The following UQCC2 variants were observed in gnomAD, a reference collection of about 807,000 sequenced individuals.
The protein encoded by UQCC2 is ubiquinol-cytochrome c reductase complex assembly factor 2, also known as breast cancer-associated protein SGA-81M.
A neutral mutation model predicts 19.9 loss-of-function variants in UQCC2; 21 were observed. The observed-to-expected ratio is 1.05, with a 90% CI of 0.75 to 1.52. The LOEUF (loss-of-function observed/expected upper bound fraction) is 1.52. Among genes scored for constraint, UQCC2 ranks in the 40% most tolerant of loss-of-function variants. The probability of loss-of-function intolerance (pLI) is 0.00; values close to 1 mark genes in which losing one functional copy is unlikely to be tolerated. For missense variants in UQCC2, 135 were observed against 157.5 expected (o/e 0.86, Z 0.76); for synonymous variants, 57 against 60.9 (o/e 0.94, Z 0.30).
Position 33,697,399 on chromosome 6 carries a change from A to G in UQCC2, c.*254T>C, listed in dbSNP as rs531961549. On this transcript the variant is annotated 3_prime_UTR_variant, in exon 4 of 4. Transcript: ENST00000607484. ...CTTGTGCCGAGGCCCCATTACCCTC[A>G]TCAGGCCCAGAGGGAAACCTGCATT... 1.5e-4 allele frequency: 59 copies of G among 406,270 alleles called. No individual in the cohort carries two copies. The highest frequency in any genetic ancestry group is 2.4e-4 in the Non-Finnish European group (55 of 229,938). 25.2% of individuals were successfully genotyped at this position (406,270 alleles called of 1,614,324 possible). A position where few individuals can be genotyped will look rare whatever the true frequency, so the allele number is the denominator to read the frequency against.
chr6:33,697,678 C>T lies in UQCC2; in HGVS notation c.356G>A (p.Gly119Asp), dbSNP rs1765580434. Residue 119 changes from glycine to aspartate, a missense_variant, in exon 4 of 4, where the codon GGT (glycine) becomes GAT (aspartate). Physicochemically the swap from Gly to Asp is moderately conservative, Grantham distance 94 (BLOSUM62 -1). Coordinates refer to ENST00000607484, the MANE Select transcript of UQCC2 (RefSeq NM_032340.4). ...TCAGGCCTTATGATCCTCCTCAGGA[C>T]CCTTGGGGGCAAACTTCTCCTGCAG... ...KKLQEKFAPK[G>D]PEEDHKA 5 of 1,613,918 alleles carry T rather than the reference C, an allele frequency of 3.1e-6. No individual in the cohort carries two copies. The Admixed American group carries it at 8.3e-5, about 27-fold the overall frequency.
intron 1 of UQCC2, among the ~76,000 whole-genome samples, chr6:33,707,002 C>T (rs1015030898): frequency 6.6e-6 from 1 of 152,206 alleles, no homozygotes; most frequent in African/African-American, 2.4e-5. Context: ...AGTTGCCTGC[C>T]ACCTGCCCAG....
At chr6:33,709,792 T>C (rs187748121) in intron 1 of UQCC2, among the ~76,000 whole-genome samples, 8 of 152,222 alleles carry the variant, frequency 5.3e-5, no homozygotes, top group Admixed American at 5.2e-4. Context: ...ATGTTCCTTC[T>C]GTAACAAGTC....
intron 2 of UQCC2, among the ~76,000 whole-genome samples, chr6:33,701,028 G>A (rs778048086): frequency 6.6e-6 from 1 of 152,172 alleles, no homozygotes; most frequent in Admixed American, 6.5e-5. Context: ...TGTCAGTTCC[G>A]TCAGAGTGGA....
rs116482449 is a variant in UQCC2 at position 33,710,017 on chromosome 6, A to G, written c.138+1532T>C. 5.7e-3 allele frequency among the ~76,000 whole-genome samples: 872 copies of G among 152,302 alleles called. 14 individuals carry two copies. The highest frequency in any genetic ancestry group is 0.02 in the African/African-American group (819 of 41,554). On this transcript the variant is annotated intron_variant, in intron 1 of 3. Coordinates refer to ENST00000607484, the MANE Select transcript of UQCC2 (RefSeq NM_032340.4). ...CCTACACTTCACCTATTCCTACCTC[A>G]GTAAATGGCACCATCTTAGACCTAG... is the stretch of plus-strand genomic sequence containing the variant.
At position 33,707,824 on chromosome 6, in the gene UQCC2, G is replaced by A. The variant is rs185174078; in HGVS notation, c.138+3725C>T. ...AAGCTCTCAGCGCTGTAGGAAACAC[G>A]TGTTCTTAGACAAACTGTATTCAAA... On this transcript the variant is annotated intron_variant, in intron 1 of 3. Transcript: ENST00000607484. Among the ~76,000 whole-genome samples, 226 of 152,306 alleles carry A rather than the reference G, an allele frequency of 1.5e-3. 1 individual carries two copies. The highest frequency in any genetic ancestry group is 4.7e-3 in the African/African-American group (194 of 41,558).
At position 33,701,352 on chromosome 6, in the gene UQCC2, T is replaced by A. The variant is rs369804008; in HGVS notation, c.207A>T (p.Lys69Asn). ...AAGACTGTGGCCCACTCACCTTGTG[T>A]TTGTAGTAGTTTGAATGGAGTCGCG... ...SLARLHSNYY[K>N]HKYPRPRDTS... Residue 69 changes from lysine (K) to asparagine (N), a missense_variant, in exon 2 of 4, where the codon AAA becomes AAT. By Grantham distance (94) the Lys-to-Asn change is moderately conservative. Transcript: ENST00000607484. The A allele has an allele frequency of 6.8e-6, 11 of 1,612,716 alleles. No homozygotes were observed. The highest frequency in any genetic ancestry group is 5.1e-6 in the Non-Finnish European group (6 of 1,179,520).
intron 3 of UQCC2, among the ~76,000 whole-genome samples, chr6:33,698,818 C>T (rs1561888776): frequency 6.6e-6 from 1 of 152,194 alleles, no homozygotes; most frequent in African/African-American, 2.4e-5. Context: ...ACCATCCCCC[C>T]AGTACGGAAC....
chr6:33,709,780 C>G (rs1018401142), intron 1 of UQCC2, among the ~76,000 whole-genome samples: 1 of 151,542 alleles, frequency 6.6e-6, no homozygotes, highest in African/African-American at 2.4e-5. Flanking sequence ...AAAAAAAAAC[C>G]CATGTTCCTT....
chr6:33,703,542 G>A (rs1765664519), intron 1 of UQCC2, among the ~76,000 whole-genome samples: 1 of 151,884 alleles, frequency 6.6e-6, no homozygotes, highest in African/African-American at 2.4e-5. Context: ...GGGAGCAGGG[G>A]AGTCAAACTG....
chr6:33,701,240 C>T, intron 2 of UQCC2, 106 bp downstream of exon 2: 1 of 1,249,046 alleles, frequency 8.0e-7, no homozygotes, highest in Non-Finnish European at 1.1e-6. Context: ...CATTTGAACG[C>T]AGCAAAGCCA....
intron 2 of UQCC2, 27 bp from the exon 3 acceptor site, chr6:33,700,540 A>G (rs1331274607): frequency 6.2e-7 from 1 of 1,611,882 alleles, no homozygotes; most frequent in African/African-American, 1.3e-5. Context: ...AAAGGAAGTG[A>G]AGGGAGGGGA....
chr6:33,697,852 T>C lies in UQCC2; in HGVS notation c.284-102A>G, dbSNP rs1005822275. The C allele has an allele frequency of 1.4e-5, 13 of 900,348 alleles. No individual in the cohort carries two copies. The African/African-American group carries it at 2.2e-4, about 15-fold the overall frequency. 55.8% of individuals were successfully genotyped at this position (900,348 alleles called of 1,614,324 possible). A position where few individuals can be genotyped will look rare whatever the true frequency, so the allele number is the denominator to read the frequency against. On this transcript the variant is annotated intron_variant, in intron 3 of 3. Transcript: ENST00000607484. ...TCCCGACACAAGCATGGCTTGCTTT[T>C]CACACAGTGTGTTCCTGAAAAAGGT... is the stretch of plus-strand genomic sequence containing the variant.
intron 3 of UQCC2, among the ~76,000 whole-genome samples, chr6:33,699,026 G>A (rs1475800584): frequency 6.6e-6 from 1 of 152,124 alleles, no homozygotes; most frequent in African/African-American, 2.4e-5. Context: ...AGCTTTTCCA[G>A]AAGTCCATGT....
intron 3 of UQCC2, chr6:33,698,005 G>T (rs1765588197): frequency 6.0e-6 from 3 of 500,502 alleles, no homozygotes; most frequent in Non-Finnish European, 7.2e-6. Flanking sequence ...CCTCACCCTC[G>T]GCATCAAAGC....
chr6:33,697,799 G>C (rs779937631), intron 3 of UQCC2, 49 bp from the exon 4 acceptor site: 3 of 1,505,544 alleles, frequency 2.0e-6, no homozygotes, highest in Non-Finnish European at 2.8e-6. Context: ...TCTAAAACTT[G>C]ATGACATAGA....
chr6:33,704,985 A>G (rs1232649959), intron 1 of UQCC2, among the ~76,000 whole-genome samples: 2 of 151,542 alleles, frequency 1.3e-5, no homozygotes, highest in Non-Finnish European at 2.9e-5. Context: ...AGCAAAATGT[A>G]CAAAGTCTAA....
At chr6:33,708,410 A>ATTT (rs10654185) in intron 1 of UQCC2, among the ~76,000 whole-genome samples, 109 of 151,870 alleles carry the variant, frequency 7.2e-4, no homozygotes, top group Non-Finnish European at 1.2e-3. Flanking sequence ...TGTTTTTCTG[A>ATTT]TGTTTCCTCA....
rs779777722 is a variant in UQCC2 at position 33,711,687 on chromosome 6, C to T, written c.-1G>A. The T allele has an allele frequency of 4.2e-5, 67 of 1,607,604 alleles. No homozygotes were observed. In the East Asian group the frequency reaches 6.3e-4, roughly 15 times the overall value. On this transcript the variant is annotated 5_prime_UTR_variant, in exon 1 of 4. Coordinates refer to ENST00000607484, the MANE Select transcript of UQCC2 (RefSeq NM_032340.4). ...AACGCCGGTACCGGCTGGCCGCCAT[C>T]TTGGGCCCCGCGTGTTCCCGCCTTA...
Sources: allele counts gnomAD v4.1 joint callset (sites outside exome capture counted in the v4.1 genomes callset), GRCh38; gene constraint gnomAD v4.1.1; transcripts MANE v1.5; gene names NCBI Gene and HGNC (gene_info 2026-07-23, HGNC 2026-07-21).